The following SBK1 variants were observed in gnomAD, a reference collection of about 807,000 sequenced individuals.
SBK1 encodes the protein serine/threonine-protein kinase SBK1.
In SBK1, 11 loss-of-function variants were observed where a neutral mutation model predicts 24.4. That is an observed-to-expected ratio of 0.45 (90% CI 0.28 to 0.75). SBK1 has a LOEUF of 0.75. Among genes scored for constraint, SBK1 ranks in the 30% least tolerant of loss-of-function variants. The probability of loss-of-function intolerance (pLI) is 0.12; values close to 1 mark genes in which losing one functional copy is unlikely to be tolerated. For synonymous variants in SBK1, 308 were observed against 284.4 expected, an observed-to-expected ratio of 1.08 and a Z score of -0.83; for missense variants, 467 against 620.5, an observed-to-expected ratio of 0.75 and a Z score of 2.63.
intron 1 of SBK1, among the ~76,000 whole-genome samples, chr16:28,281,038 C>G (rs1419031577): frequency 4.6e-5 from 7 of 152,104 alleles, no homozygotes; most frequent in African/African-American, 1.7e-4. Flanking sequence ...GCCTTAGACC[C>G]AGTGGCGACC....
At chr16:28,280,833 T>C (rs1026660643) in intron 1 of SBK1, among the ~76,000 whole-genome samples, 3 of 151,858 alleles carry the variant, frequency 2.0e-5, no homozygotes, top group African/African-American at 7.3e-5. Context: ...CCCAGCTAAT[T>C]TTTGTATTTT....
chr16:28,315,101 T>G (rs1447030120), intron 1 of SBK1, among the ~76,000 whole-genome samples: 1 of 152,182 alleles, frequency 6.6e-6, no homozygotes, highest in East Asian at 1.9e-4. Flanking sequence ...CTGGCCTCTC[T>G]TGCCAGTGCA....
intron 1 of SBK1, among the ~76,000 whole-genome samples, chr16:28,307,385 A>G (rs1037017891): frequency 6.6e-6 from 1 of 152,234 alleles, no homozygotes; most frequent in African/African-American, 2.4e-5. Context: ...AGGCACCATC[A>G]CTCCAGTGTC....
intron 1 of SBK1, among the ~76,000 whole-genome samples, chr16:28,300,743 CT>C (rs2044673001): frequency 6.6e-6 from 1 of 152,196 alleles, no homozygotes; most frequent in Admixed American, 6.5e-5. Context: ...AGTGCTTATA[CT>C]TTCAGTGGCT....
At chr16:28,280,155 G>A (rs1206372239) in intron 1 of SBK1, among the ~76,000 whole-genome samples, 166 of 81,244 alleles carry the variant, frequency 2.0e-3, no homozygotes, top group Middle Eastern at 6.8e-3. Flanking sequence ...ATATATGTGT[G>A]TGTGTGTGTG....
chr16:28,321,031 G>T lies in SBK1; in HGVS notation c.*110G>T. The T allele has an allele frequency of 1.9e-6, 2 of 1,050,152 alleles. No individual in the cohort carries two copies. Among genetic ancestry groups the T allele is most frequent in the Non-Finnish European group, 2.5e-6 (2 of 807,006 alleles). 65.1% of individuals were successfully genotyped at this position (1,050,152 alleles called of 1,614,324 possible). A position where few individuals can be genotyped will look rare whatever the true frequency, so the allele number is the denominator to read the frequency against. On this transcript the variant is annotated 3_prime_UTR_variant, in exon 4 of 4. Coordinates refer to ENST00000341901, the MANE Select transcript of SBK1 (RefSeq NM_001024401.3). ...CTCGCCGCGGGGCAGGGGGCGCAGCGGTAGACTAGGCAGGACGCGGCCCGG... is the reference window on the plus strand; with the variant it reads ...CTCGCCGCGGGGCAGGGGGCGCAGCTGTAGACTAGGCAGGACGCGGCCCGG...
At chr16:28,309,745 A>C (rs1243315997) in intron 1 of SBK1, among the ~76,000 whole-genome samples, 1 of 152,192 alleles carries the variant, frequency 6.6e-6, no homozygotes, top group East Asian at 1.9e-4. Context: ...AAAAAAATAA[A>C]ATAATAGGAA....
In SBK1 at chr16:28,320,458, G is replaced by C. The variant is rs200502654; in HGVS notation, c.812G>C (p.Arg271Pro). ...AFFEEFVRWQ[R>P]GRLPGLPSQW... is the part of the protein sequence containing the mutation. ...TTCGAGGAGTTCGTGCGCTGGCAGCGGGGCCGCCTGCCGGGGCTGCCTTCG... is the reference window on the plus strand; with the variant it reads ...TTCGAGGAGTTCGTGCGCTGGCAGCCGGGCCGCCTGCCGGGGCTGCCTTCG... The change falls in exon 4 of 4, where the codon CGG (arginine) becomes CCG (proline). Residue 271 changes from arginine (R) to proline (P), a missense_variant. By Grantham distance (103) the Arg-to-Pro change is moderately radical. Coordinates refer to ENST00000341901, the MANE Select transcript of SBK1 (RefSeq NM_001024401.3). This position sits in a 1 kb window ranked among gnomAD's most constrained non-coding sequence, Gnocchi z 8.5. 2.5e-6 allele frequency: 4 copies of C among 1,576,264 alleles called. No individual in the cohort carries two copies. The highest frequency in any genetic ancestry group is 3.4e-6 in the Non-Finnish European group (4 of 1,168,462).
At position 28,287,286 on chromosome 16, in the gene SBK1, C is replaced by CAAAAAAAAAA. The variant is rs56232453; in HGVS notation, c.257+27788_257+27797dup. ...TGAAACCCCATCTCTACTAAAAATACAAAAAAAAAAAAATTAGCTGGGCAT... is the reference window on the plus strand; with the variant it reads ...TGAAACCCCATCTCTACTAAAAATACAAAAAAAAAAAAAAAAAAAAAAATTAGCTGGGCAT... On this transcript the variant is annotated intron_variant, in intron 1 of 3. Coordinates refer to the SBK1 transcript ENST00000671413. Among the ~76,000 whole-genome samples, 241 of 124,868 alleles carry CAAAAAAAAAA rather than the reference C, an allele frequency of 1.9e-3. 5 individuals carry two copies. The highest frequency in any genetic ancestry group is 6.8e-3 in the African/African-American group (222 of 32,814). The allele number at this position is 124,868 out of a possible 152,430, so 81.9% of individuals were successfully genotyped here.
rs959465315 is a variant in SBK1, at chr16:28,320,947, G to A, written c.*26G>A. On this transcript the variant is annotated 3_prime_UTR_variant, in exon 4 of 4. Transcript: ENST00000341901. The surrounding 1 kb of genome is among the most constrained non-coding windows in gnomAD (Gnocchi z 8.5). ...GTCGCCTCCGCCGCCCTCGGACCCG[G>A]GAGCAGCCCGGGCCCGCCCCGAGCC... 2.2e-6 allele frequency: 3 copies of A among 1,392,170 alleles called. No individual in the cohort carries two copies. The highest frequency in any genetic ancestry group is 3.1e-5 in the African/African-American group (2 of 65,330). 86.2% of individuals were successfully genotyped at this position (1,392,170 alleles called of 1,614,324 possible). A position where few individuals can be genotyped will look rare whatever the true frequency, so the allele number is the denominator to read the frequency against.
chr16:28,302,872 G>A (rs938397669), intron 1 of SBK1, among the ~76,000 whole-genome samples: 1 of 151,778 alleles, frequency 6.6e-6, no homozygotes, highest in African/African-American at 2.4e-5. Context: ...GTGAGGAAAA[G>A]AGACAGTCAT....
chr16:28,261,440 C>G (rs1044060840), intron 1 of SBK1, among the ~76,000 whole-genome samples: 30 of 89,956 alleles, frequency 3.3e-4, no homozygotes, highest in African/African-American at 8.4e-4. Context: ...CACACACACA[C>G]ACACACACAC....
In SBK1 at chr16:28,320,781, G is replaced by A; in HGVS notation, c.1135G>A (p.Val379Met). The change falls in exon 4 of 4, where the codon GTG becomes ATG. Residue 379 changes from valine (V) to methionine (M), a missense_variant. Around this residue, in one of 4 missense-constraint regions of SBK1, gnomAD observed 166 missense variants for 146.8 expected, o/e 1.13. Coordinates refer to ENST00000341901, the MANE Select transcript of SBK1 (RefSeq NM_001024401.3). This position sits in a 1 kb window ranked among gnomAD's most constrained non-coding sequence, Gnocchi z 8.5. Reference sequence around the variant, plus strand: ...CGGGTCGGTGCCCTTGCCCGTGCCGGTGCCGGTGCCAGTGCCCGTGCCGGT... The same window carrying A: ...CGGGTCGGTGCCCTTGCCCGTGCCGATGCCGGTGCCAGTGCCCGTGCCGGT... ...AVGSVPLPVP[V>M]PVPVPVPVPV... The A allele has an allele frequency of 2.1e-6, 3 of 1,411,420 alleles. No individual in the cohort carries two copies. Among genetic ancestry groups the A allele is most frequent in the East Asian group, 3.7e-5 (1 of 26,862 alleles). 87.4% of individuals were successfully genotyped at this position (1,411,420 alleles called of 1,614,324 possible).
At chr16:28,262,446 G>A (rs1423484999) in intron 1 of SBK1, among the ~76,000 whole-genome samples, 2 of 152,080 alleles carry the variant, frequency 1.3e-5, no homozygotes, top group African/African-American at 4.8e-5. Flanking sequence ...GAAAGGCAAC[G>A]AAGGGGGGCA....
chr16:28,287,462 A>G (rs1004231732), intron 1 of SBK1, among the ~76,000 whole-genome samples: 8 of 151,840 alleles, frequency 5.3e-5, no homozygotes, highest in South Asian at 2.1e-4. Flanking sequence ...AAAAAAAAAA[A>G]AAGAAGAAAG....
rs538567461 is a variant in SBK1 at position 28,259,662 on chromosome 16, G to A, written c.257+160G>A. Among the ~76,000 whole-genome samples, 137 of 152,256 alleles carry A rather than the reference G, an allele frequency of 9.0e-4. No homozygotes were observed. Among genetic ancestry groups the A allele is most frequent in the African/African-American group, 3.1e-3 (129 of 41,536 alleles). ...GCTTCAGATCTCAGATCTCTCACCTGGTTGTTGCCACAGCCTCCTTCCTAT... is the reference window on the plus strand; with the variant it reads ...GCTTCAGATCTCAGATCTCTCACCTAGTTGTTGCCACAGCCTCCTTCCTAT... On this transcript the variant is annotated intron_variant, in intron 1 of 3. Transcript: ENST00000671413. This position sits in a 1 kb window ranked among gnomAD's most constrained non-coding sequence, Gnocchi z 6.0.
chr16:28,289,031 C>T (rs145117471), upstream of SBK1, among the ~76,000 whole-genome samples: 158 of 152,246 alleles, frequency 1.0e-3, no homozygotes, highest in African/African-American at 3.2e-3. Context: ...GGAAGGTTTC[C>T]GCAGAAGGTG....
rs78989150 is a variant in SBK1, at chr16:28,263,392, A to C, written c.257+3890A>C. 1.3e-3 allele frequency among the ~76,000 whole-genome samples: 194 copies of C among 152,346 alleles called. 4 individuals carry two copies. The East Asian group carries it at 0.029, about 23-fold the overall frequency. ...GACAGCTGCTTTGCATACGGTAAAC[A>C]GGGAGGTGAGGATATTTCATCTAAG... On this transcript the variant is annotated intron_variant, in intron 1 of 3. Transcript: ENST00000671413.
rs1355994827 is a variant in SBK1 at position 28,279,964 on chromosome 16, G to A, written c.257+20462G>A. ...GTTGCTCTGAAGGGTCCCAGAGTCA[G>A]GGGCTCAATTGCTAGGTTTATTTAT... On this transcript the variant is annotated intron_variant, in intron 1 of 3. Transcript: ENST00000671413. Among the ~76,000 whole-genome samples, 31 of 151,406 alleles carry A rather than the reference G, an allele frequency of 2.0e-4. No individual in the cohort carries two copies. The Admixed American group carries it at 2.1e-3, about 10-fold the overall frequency.
Sources: allele counts gnomAD v4.1 joint callset (sites outside exome capture counted in the v4.1 genomes callset), GRCh38; gene constraint gnomAD v4.1.1; regional missense constraint gnomAD v4.1.1; non-coding constraint Gnocchi (gnomAD v3.1); transcripts MANE v1.5; gene names NCBI Gene and HGNC (gene_info 2026-07-23, HGNC 2026-07-21).